Variants in DDX10 observed in about 807,000 individuals in gnomAD.
The protein encoded by DDX10 is DEAD-box helicase 10, also known as probable ATP-dependent RNA helicase DDX10.
A neutral mutation model predicts 104.3 loss-of-function variants in DDX10; 74 were observed. The observed-to-expected ratio is 0.71, with a 90% CI of 0.59 to 0.86. The LOEUF (loss-of-function observed/expected upper bound fraction) is 0.86, where lower values mean the gene tolerates loss of function less well. Ranked by LOEUF, DDX10 falls within the 40% of genes least tolerant of loss-of-function variation. DDX10 has a pLI of 0.00. For missense variants in DDX10, 952 were observed against 1,040.0 expected (o/e 0.92, Z 1.16); for synonymous variants, 351 against 353.4 (o/e 0.99, Z 0.08).
At chr11:108,890,663 T>C (rs931592983) in intron 16 of DDX10, among the ~76,000 whole-genome samples, 2 of 152,086 alleles carry the variant, frequency 1.3e-5, no homozygotes, top group African/African-American at 4.8e-5. Context: ...CAACGTAATA[T>C]GATCTTACCC....
chr11:108,934,001 T>C (rs1864006825), intron 17 of DDX10, among the ~76,000 whole-genome samples: 1 of 152,230 alleles, frequency 6.6e-6, no homozygotes, highest in African/African-American at 2.4e-5. Context: ...TAATCGAAGA[T>C]AAGCACATAG....
intron 16 of DDX10, among the ~76,000 whole-genome samples, chr11:108,888,905 T>A (rs999436931): frequency 6.6e-6 from 1 of 152,218 alleles, no homozygotes; most frequent in African/African-American, 2.4e-5. Flanking sequence ...ACATAGTTTG[T>A]AGCTAGAAGA....
At chr11:108,778,079 T>C (rs755747142) in intron 13 of DDX10, among the ~76,000 whole-genome samples, 10 of 152,188 alleles carry the variant, frequency 6.6e-5, no homozygotes, top group Admixed American at 6.5e-4. Context: ...TGCATGCTCA[T>C]GGATAGGAAG....
intron 17 of DDX10, chr11:108,919,332 A>G (rs1032633934): frequency 9.2e-5 from 14 of 152,170 alleles, no homozygotes; most frequent in African/African-American, 3.1e-4. Flanking sequence ...AAAATATACA[A>G]ATGTTTGTGC....
intron 9 of DDX10, 102 bp from the exon 10 acceptor site, chr11:108,706,637 G>T (rs2094276551): frequency 1.1e-6 from 1 of 882,598 alleles, no homozygotes; most frequent in African/African-American, 1.7e-5. Context: ...GACATTTATG[G>T]TTAGACAAAA....
intron 13 of DDX10, among the ~76,000 whole-genome samples, chr11:108,730,285 C>T (rs1042110905): frequency 9.2e-5 from 14 of 152,194 alleles, no homozygotes; most frequent in Non-Finnish European, 1.8e-4. Context: ...AGAGATTTCT[C>T]AACCACTAGG....
chr11:108,814,526 T>C (rs1591825389), intron 13 of DDX10, among the ~76,000 whole-genome samples: 1 of 152,156 alleles, frequency 6.6e-6, no homozygotes, highest in South Asian at 2.1e-4. Context: ...TTTTTATGCA[T>C]CATAGATTAC....
chr11:108,668,773 A>G (rs1001721127), intron 1 of DDX10, among the ~76,000 whole-genome samples: 1 of 152,178 alleles, frequency 6.6e-6, no homozygotes, highest in African/African-American at 2.4e-5. Flanking sequence ...GTAGGGGTTG[A>G]TACAGTTTGA....
intron 13 of DDX10, among the ~76,000 whole-genome samples, chr11:108,793,056 C>A (rs1476387806): frequency 6.6e-6 from 1 of 152,164 alleles, no homozygotes; most frequent in Non-Finnish European, 1.5e-5. Flanking sequence ...GGATGCAATA[C>A]AGCAACAGGA....
chr11:108,868,701 CAATGTTCTCTGATATGGGCAACA>C (rs1863039592), intron 16 of DDX10, among the ~76,000 whole-genome samples: 1 of 151,986 alleles, frequency 6.6e-6, no homozygotes, highest in Non-Finnish European at 1.5e-5. Context: ...TTTCCTATGC[CAATGTTCTCTGATATGGGCAACA>C]AAAGTCCTTG....
intron 13 of DDX10, among the ~76,000 whole-genome samples, chr11:108,758,143 C>T (rs1300753219): frequency 6.6e-6 from 1 of 152,008 alleles, no homozygotes; most frequent in South Asian, 2.1e-4. Context: ...TACAATGTGG[C>T]AGAGACTTAG....
At chr11:108,808,890 G>C (rs1412349188) in intron 13 of DDX10, among the ~76,000 whole-genome samples, 1 of 152,186 alleles carries the variant, frequency 6.6e-6, no homozygotes, top group Non-Finnish European at 1.5e-5. Flanking sequence ...CCATGTGCTT[G>C]CAATTAGGGC....
intron 13 of DDX10, among the ~76,000 whole-genome samples, chr11:108,768,701 A>T (rs1565272623): frequency 6.6e-6 from 1 of 152,154 alleles, no homozygotes; most frequent in Non-Finnish European, 1.5e-5. Flanking sequence ...AACACTATTC[A>T]CTTTTCCAAT....
At chr11:108,775,345 AAC>A (rs2094368546) in intron 13 of DDX10, among the ~76,000 whole-genome samples, 1 of 152,228 alleles carries the variant, frequency 6.6e-6, no homozygotes, top group Non-Finnish European at 1.5e-5. Flanking sequence ...TTCACAAGGA[AAC>A]ACACAGTTAT....
At chr11:108,802,344 A>G (rs952404761) in intron 13 of DDX10, among the ~76,000 whole-genome samples, 6 of 152,168 alleles carry the variant, frequency 3.9e-5, no homozygotes, top group Non-Finnish European at 7.3e-5. Flanking sequence ...TTAACCTTCA[A>G]TAGTGAGTTT....
At chr11:108,838,864 G>A (rs1353605511) in intron 14 of DDX10, among the ~76,000 whole-genome samples, 1 of 152,164 alleles carries the variant, frequency 6.6e-6, no homozygotes, top group Non-Finnish European at 1.5e-5. Context: ...TATGTTCTAT[G>A]GAACAGACAT....
chr11:108,732,409 G>C (rs1432187258), intron 13 of DDX10, among the ~76,000 whole-genome samples: 3 of 152,146 alleles, frequency 2.0e-5, no homozygotes, highest in Non-Finnish European at 4.4e-5. Flanking sequence ...TTCTGTAATT[G>C]GGTAATGTCA....
chr11:108,884,294 C>A (rs2726901), intron 16 of DDX10, among the ~76,000 whole-genome samples: 22,780 of 152,096 alleles, frequency 0.15, 2,116 homozygotes, highest in East Asian at 0.27. Flanking sequence ...TAGGCACAAA[C>A]CTTCCTTTAA....
At chr11:108,711,949 A>G (rs2126567) in intron 10 of DDX10, among the ~76,000 whole-genome samples, 18,685 of 152,152 alleles carry the variant, frequency 0.12, 1,559 homozygotes, top group East Asian at 0.27. Flanking sequence ...TCTGGTTGCA[A>G]TTCTATCAGT....
Sources: allele counts gnomAD v4.1 joint callset (sites outside exome capture counted in the v4.1 genomes callset), GRCh38; gene constraint gnomAD v4.1.1; transcripts MANE v1.5; gene names NCBI Gene and HGNC (gene_info 2026-07-23, HGNC 2026-07-21).